Variants in CYP2C18 observed in about 807,000 individuals in gnomAD.
CYP2C18 encodes cytochrome P450 family 2 subfamily C member 18.
A neutral mutation model predicts 41.3 loss-of-function variants in CYP2C18; 38 were observed. The ratio of observed to expected loss-of-function variants is 0.92; its 90% CI spans 0.71 to 1.21. The LOEUF (loss-of-function observed/expected upper bound fraction) is 1.21, where lower values mean the gene tolerates loss of function less well. Ranked by LOEUF, CYP2C18 falls within the 50% of genes most tolerant of loss-of-function variation. The pLI is 0.00. For synonymous variants in CYP2C18, 236 were observed against 210.0 expected (o/e 1.12, Z -1.07); for missense variants, 635 against 591.4 (o/e 1.07, Z -0.77).
chr10:94,718,119 C>T (rs1847586668), intron 5 of CYP2C18, among the ~76,000 whole-genome samples: 1 of 151,874 alleles, frequency 6.6e-6, no homozygotes, highest in African/African-American at 2.4e-5. Context: ...GTGTCTTCTT[C>T]ATTTTTTTAA....
intron 5 of CYP2C18, among the ~76,000 whole-genome samples, chr10:94,712,259 G>A (rs1480578404): frequency 6.0e-5 from 9 of 151,204 alleles, no homozygotes; most frequent in Admixed American, 5.9e-4. Flanking sequence ...TCAACTGGCT[G>A]TGCAATTTAT....
intron 5 of CYP2C18, among the ~76,000 whole-genome samples, chr10:94,710,368 T>C (rs1847414273): frequency 6.6e-6 from 1 of 152,248 alleles, no homozygotes; most frequent in South Asian, 2.1e-4. Context: ...TTTGGTTGTG[T>C]AGAGTTCCCC....
In CYP2C18 at chr10:94,683,984, C is replaced by T; in HGVS notation, c.165C>T (p.Thr55=). 6.3e-7 allele frequency: 1 copy of T among 1,598,384 alleles called. No homozygotes were observed. ...LDVKDMSKSL[T]NFSKVYGPVF... is the part of the protein sequence containing the mutation. ...TTAAGGACATGAGCAAATCCTTAAC[C>T]AATGTAAGTATGCTTTATGTTCCTC... Residue 55 remains threonine, a synonymous_variant, in exon 1 of 9, where the codon ACC becomes ACT. Coordinates refer to ENST00000285979, the MANE Select transcript of CYP2C18 (RefSeq NM_000772.3).
chr10:94,726,124 G>C (rs547641001), intron 7 of CYP2C18, among the ~76,000 whole-genome samples: 1 of 152,134 alleles, frequency 6.6e-6, no homozygotes, highest in East Asian at 1.9e-4. Context: ...TCCCATGCTA[G>C]GCAGACAGAA....
intron 6 of CYP2C18, among the ~76,000 whole-genome samples, chr10:94,722,362 A>G (rs1409654): frequency 0.025 from 3,842 of 152,228 alleles, 148 homozygotes; most frequent in African/African-American, 0.075. Context: ...GCTCTGCATA[A>G]CATATTAGCC....
rs749885860 is a variant in CYP2C18, at chr10:94,720,441, G to A, written c.865G>A (p.Ala289Thr). 12 of 1,612,794 alleles carry A rather than the reference G, an allele frequency of 7.4e-6. No individual in the cohort carries two copies. The highest frequency in any genetic ancestry group is 1.0e-5 in the Non-Finnish European group (12 of 1,179,250). ...TGAATTTACTGTTGAAAGCTTGATAGCCACTGTAACTGATATGTTTGGGGC... is the reference window on the plus strand; with the variant it reads ...TGAATTTACTGTTGAAAGCTTGATAACCACTGTAACTGATATGTTTGGGGC... ...QSEFTVESLI[A>T]TVTDMFGAGT... Residue 289 changes from alanine (A) to threonine (T), a missense_variant, in exon 6 of 9, where the codon GCC becomes ACC. Transcript: ENST00000285979.
chr10:94,733,332 G>C lies in CYP2C18; in HGVS notation c.1185G>C (p.Leu395=), dbSNP rs1227797394. The change falls in exon 8 of 9, where the codon CTG becomes CTC. Residue 395 remains leucine (L), a synonymous_variant. Transcript: ENST00000285979. ...TAATAACATCCCTGACTTCTGTGCTGCACAATGACAAAGAATTCCCCAACC... is the reference window on the plus strand; with the variant it reads ...TAATAACATCCCTGACTTCTGTGCTCCACAATGACAAAGAATTCCCCAACC... The part of the protein sequence containing the change: ...TTIITSLTSV[L]HNDKEFPNPE... The C allele has an allele frequency of 2.5e-6, 4 of 1,613,272 alleles. No individual in the cohort carries two copies. In the South Asian group the frequency reaches 4.4e-5, roughly 18 times the overall value.
At chr10:94,693,402 C>A (rs1272928783) in intron 3 of CYP2C18, among the ~76,000 whole-genome samples, 1 of 152,142 alleles carries the variant, frequency 6.6e-6, no homozygotes, top group African/African-American at 2.4e-5. Flanking sequence ...ATCACGCTTC[C>A]TGTACAGCCT....
chr10:94,717,986 A>G (rs1222380450), intron 5 of CYP2C18, among the ~76,000 whole-genome samples: 1 of 152,062 alleles, frequency 6.6e-6, no homozygotes, highest in African/African-American at 2.4e-5. Context: ...TCCTATTTCT[A>G]AGAGAGATAA....
chr10:94,733,688 C>T, intron 8 of CYP2C18: 1 of 732,562 alleles, frequency 1.4e-6, no homozygotes, highest in Non-Finnish European at 1.7e-6. Context: ...TTAATTCTGC[C>T]TCTAGATACA....
intron 8 of CYP2C18, among the ~76,000 whole-genome samples, chr10:94,734,246 T>A (rs1485479893): frequency 1.3e-5 from 2 of 152,136 alleles, no homozygotes; most frequent in Non-Finnish European, 2.9e-5. Flanking sequence ...CCACTCATGA[T>A]CATACATCTT....
At chr10:94,696,052 G>T (rs111851363) in intron 4 of CYP2C18, among the ~76,000 whole-genome samples, 7,264 of 152,260 alleles carry the variant, frequency 0.048, 233 homozygotes, top group South Asian at 0.11. Flanking sequence ...CTCCACCTCT[G>T]GGGGCAGGGC....
At chr10:94,703,280 G>A (rs1027322311) in intron 4 of CYP2C18, among the ~76,000 whole-genome samples, 1 of 152,234 alleles carries the variant, frequency 6.6e-6, no homozygotes, top group Non-Finnish European at 1.5e-5. Flanking sequence ...GAGATCTGCT[G>A]CTCTCTTCAG....
chr10:94,694,787 T>C (rs1589793936), intron 3 of CYP2C18, 130 bp from the exon 4 acceptor site: 1 of 990,134 alleles, frequency 1.0e-6, no homozygotes, highest in Non-Finnish European at 1.5e-6. Context: ...TATGCTGTAG[T>C]TTGTGTTGAT....
intron 3 of CYP2C18, among the ~76,000 whole-genome samples, chr10:94,694,353 A>G (rs1307730526): frequency 6.6e-6 from 1 of 152,164 alleles, no homozygotes; most frequent in Non-Finnish European, 1.5e-5. Context: ...AATTTGTGTT[A>G]GATTTTTTCT....
At chr10:94,685,512 T>C (rs1846870600) in intron 1 of CYP2C18, among the ~76,000 whole-genome samples, 1 of 152,188 alleles carries the variant, frequency 6.6e-6, no homozygotes, top group African/African-American at 2.4e-5. Context: ...ATGGTTTCTT[T>C]CAGTAGTTTT....
chr10:94,697,339 G>T (rs1482061024), intron 4 of CYP2C18, among the ~76,000 whole-genome samples: 1 of 152,168 alleles, frequency 6.6e-6, no homozygotes, highest in Non-Finnish European at 1.5e-5. Flanking sequence ...CATTCTTAAA[G>T]AAAAGAATTT....
intron 4 of CYP2C18, among the ~76,000 whole-genome samples, chr10:94,705,897 G>A (rs1589798748): frequency 6.6e-6 from 1 of 152,226 alleles, no homozygotes; most frequent in African/African-American, 2.4e-5. Flanking sequence ...CCCAAATCCA[G>A]TTTCTGGCAG....
chr10:94,698,898 C>G (rs1435368133), intron 4 of CYP2C18, among the ~76,000 whole-genome samples: 2 of 152,082 alleles, frequency 1.3e-5, no homozygotes, highest in Non-Finnish European at 2.9e-5. Flanking sequence ...ATAAATTCCT[C>G]GACACATACA....
Sources: gnomAD v4.1 joint callset for allele counts (sites outside exome capture counted in the v4.1 genomes callset) on GRCh38, gnomAD v4.1.1 for gene constraint, MANE v1.5 for transcripts, NCBI Gene and HGNC (gene_info 2026-07-23, HGNC 2026-07-21) for gene names.